The following SAMD13 variants were observed in gnomAD, a reference collection of about 807,000 sequenced individuals.
SAMD13 encodes sterile alpha motif domain containing 13.
SAMD13 carries 9 observed loss-of-function variants against 12.4 expected under a neutral mutation model. The ratio of observed to expected loss-of-function variants is 0.72; its 90% CI spans 0.44 to 1.26. SAMD13 has a LOEUF of 1.26. Among genes scored for constraint, SAMD13 ranks in the 50% most tolerant of loss-of-function variants. The probability of loss-of-function intolerance (pLI) is 0.00; values close to 1 mark genes in which losing one functional copy is unlikely to be tolerated. For synonymous variants in SAMD13, 46 were observed against 45.4 expected (o/e 1.01, Z -0.05); for missense variants, 84 against 119.6 (o/e 0.70, Z 1.39).
intron 2 of SAMD13, among the ~76,000 whole-genome samples, chr1:84,321,851 A>T (rs1678953864): frequency 6.6e-6 from 1 of 152,090 alleles, no homozygotes; most frequent in South Asian, 2.1e-4. Context: ...TTGGATCATC[A>T]CCAGCTTTCT....
chr1:84,342,875 G>C (rs1340439630), intron 3 of SAMD13, among the ~76,000 whole-genome samples: 1 of 152,118 alleles, frequency 6.6e-6, no homozygotes, highest in Non-Finnish European at 1.5e-5. Context: ...TTAAACAAAA[G>C]AGCTTCTGTA....
At chr1:84,346,483 G>C (rs771463723) in intron 3 of SAMD13, among the ~76,000 whole-genome samples, 1 of 152,178 alleles carries the variant, frequency 6.6e-6, no homozygotes, top group Non-Finnish European at 1.5e-5. Flanking sequence ...CCCAAGATGT[G>C]AAATATCTTT....
chr1:84,333,159 T>G (rs1679226356), intron 3 of SAMD13, among the ~76,000 whole-genome samples: 1 of 152,168 alleles, frequency 6.6e-6, no homozygotes, highest in African/African-American at 2.4e-5. Context: ...TTCCTCCAGC[T>G]TCTTTTTGCT....
intron 2 of SAMD13, among the ~76,000 whole-genome samples, chr1:84,319,449 C>T (rs1038078262): frequency 1.3e-5 from 2 of 151,850 alleles, no homozygotes; most frequent in African/African-American, 4.8e-5. Context: ...TGGCGAAACC[C>T]CATCTCTACT....
rs1217902779 is a variant in SAMD13, at chr1:84,303,277, G to C, written c.43G>C (p.Gly15Arg). 4.3e-6 allele frequency: 7 copies of C among 1,612,324 alleles called. No individual in the cohort carries two copies. Among genetic ancestry groups the C allele is most frequent in the Non-Finnish European group, 5.9e-6 (7 of 1,178,722 alleles). ...DMENKENGSV[G>R]VKNSMENGRP... The stretch of plus-strand genomic sequence containing the variant: ...GGAAAACAAGGAAAATGGCTCTGTC[G>C]GTGTAAAAAAGTAAGTGAAGCTGGC... The change falls in exon 2 of 4, where the codon GGT becomes CGT. Residue 15 changes from glycine to arginine, a missense_variant. Coordinates refer to ENST00000394834, the MANE Select transcript of SAMD13 (RefSeq NM_001134663.2).
Position 84,349,096 on chromosome 1 carries a change from C to T in SAMD13, c.166-535C>T, listed in dbSNP as rs79825406. Among the ~76,000 whole-genome samples, 488 of 152,270 alleles carry T rather than the reference C, an allele frequency of 3.2e-3. 5 individuals are homozygous for T. The highest frequency in any genetic ancestry group is 0.011 in the African/African-American group (450 of 41,564). On this transcript the variant is annotated intron_variant, in intron 3 of 3. Transcript: ENST00000394834. ...AAGCAGAGGGGGATTATAAAAAGAACATTGGCTTTGGCTGCAGGTATATGA... is the reference window on the plus strand; with the variant it reads ...AAGCAGAGGGGGATTATAAAAAGAATATTGGCTTTGGCTGCAGGTATATGA...
intron 3 of SAMD13, among the ~76,000 whole-genome samples, chr1:84,336,766 A>G (rs1442982781): frequency 6.6e-6 from 1 of 152,170 alleles, no homozygotes; most frequent in Non-Finnish European, 1.5e-5. Context: ...GCATTAACTC[A>G]AAAGTCCACA....
chr1:84,347,801 C>CA (rs777975648), intron 3 of SAMD13, among the ~76,000 whole-genome samples: 16 of 152,292 alleles, frequency 1.1e-4, no homozygotes, highest in Admixed American at 2.0e-4. Context: ...AACTCTCAGA[C>CA]ATGCAGGTTT....
intron 2 of SAMD13, among the ~76,000 whole-genome samples, chr1:84,314,300 C>T (rs945890287): frequency 1.3e-5 from 2 of 152,150 alleles, no homozygotes; most frequent in Middle Eastern, 3.4e-3. Context: ...GAATAAAAAA[C>T]CTCACAGGGT....
chr1:84,300,173 C>T (rs1389692362), upstream of SAMD13, among the ~76,000 whole-genome samples: 1 of 152,172 alleles, frequency 6.6e-6, no homozygotes, highest in Non-Finnish European at 1.5e-5. Flanking sequence ...AGTGAAAGAG[C>T]TCTTTATCTA....
At chr1:84,320,713 G>A (rs898616355) in intron 2 of SAMD13, among the ~76,000 whole-genome samples, 1 of 152,192 alleles carries the variant, frequency 6.6e-6, no homozygotes, top group Admixed American at 6.5e-5. Flanking sequence ...GCAGCACAAA[G>A]TTAGAGTGCA....
upstream of SAMD13, chr1:84,301,600 G>A (rs539427393): frequency 1.0e-6 from 1 of 985,460 alleles, no homozygotes; most frequent in Non-Finnish European, 1.2e-6. Context: ...AGTCAGCCAT[G>A]AACCAGAAGG....
intron 3 of SAMD13, among the ~76,000 whole-genome samples, chr1:84,348,267 G>A (rs1168483043): frequency 2.0e-5 from 3 of 152,268 alleles, no homozygotes; most frequent in South Asian, 2.1e-4. Flanking sequence ...TTCTTCAGCC[G>A]CCTAGCCTGC....
At chr1:84,329,901 G>A (rs1679137540) in intron 3 of SAMD13, among the ~76,000 whole-genome samples, 4 of 152,178 alleles carry the variant, frequency 2.6e-5, no homozygotes, top group Admixed American at 2.0e-4. Flanking sequence ...TGCTCACCAT[G>A]TAGGGAGTCT....
intron 3 of SAMD13, among the ~76,000 whole-genome samples, chr1:84,343,890 A>G (rs1221104151): frequency 6.6e-6 from 1 of 152,202 alleles, no homozygotes. Context: ...ATTTTTAATC[A>G]GCTGAAGAAG....
At chr1:84,299,035 G>C (rs531457896), upstream of SAMD13, among the ~76,000 whole-genome samples, 1 of 152,134 alleles carries the variant, frequency 6.6e-6, no homozygotes, top group African/African-American at 2.4e-5. Context: ...GCTGGTCCAA[G>C]AGGCAGCCTG....
At chr1:84,300,376 A>G (rs1678428188), upstream of SAMD13, among the ~76,000 whole-genome samples, 1 of 152,244 alleles carries the variant, frequency 6.6e-6, no homozygotes, top group South Asian at 2.1e-4. Context: ...TTCTAATATA[A>G]TTCCTGGAAT....
upstream of SAMD13, chr1:84,298,574 G>C: frequency 7.8e-7 from 1 of 1,284,016 alleles, no homozygotes; most frequent in African/African-American, 1.5e-5. Flanking sequence ...GGAGGTAAGT[G>C]ATCTGCCTGT....
At chr1:84,344,712 AAAATGCTTCCTCCCCTGATATT>A in intron 3 of SAMD13, 1 of 360,364 alleles carries the variant, frequency 2.8e-6, no homozygotes, top group Non-Finnish European at 5.5e-6. Flanking sequence ...GGTGTGCCTC[AAAATGCTTCCTCCCCTGATATT>A]AAGAAGGCTT....
Sources: allele counts gnomAD v4.1 joint callset (sites outside exome capture counted in the v4.1 genomes callset), GRCh38; gene constraint gnomAD v4.1.1; transcripts MANE v1.5; gene names NCBI Gene and HGNC (gene_info 2026-07-23, HGNC 2026-07-21).